Variants in ADAM18 observed in about 807,000 individuals in gnomAD.
ADAM18 encodes the protein ADAM metallopeptidase domain 18.
A neutral mutation model predicts 94.4 loss-of-function variants in ADAM18; 117 were observed. The ratio of observed to expected loss-of-function variants is 1.24; its 90% CI spans 1.07 to 1.45. The LOEUF is 1.45. ADAM18 is among the 40% of genes most tolerant of loss of function. The probability of loss-of-function intolerance (pLI) is 0.00; values close to 1 mark genes in which losing one functional copy is unlikely to be tolerated. For synonymous variants in ADAM18, 327 were observed against 291.6 expected (o/e 1.12, Z -1.24); for missense variants, 936 against 880.0 (o/e 1.06, Z -0.81).
At chr8:39,639,232 A>G (rs1463486879) in intron 10 of ADAM18, among the ~76,000 whole-genome samples, 2 of 151,998 alleles carry the variant, frequency 1.3e-5, no homozygotes, top group Admixed American at 1.3e-4. Context: ...AATATTATCA[A>G]CACTTCAGAA....
At chr8:39,642,526 G>A (rs1820264230) in intron 10 of ADAM18, among the ~76,000 whole-genome samples, 1 of 151,756 alleles carries the variant, frequency 6.6e-6, no homozygotes, top group Non-Finnish European at 1.5e-5. Context: ...TTTCCCCTTT[G>A]CTTGTTTTTG....
At chr8:39,725,133 G>A (rs1371577720) in intron 19 of ADAM18, among the ~76,000 whole-genome samples, 29 of 151,814 alleles carry the variant, frequency 1.9e-4, no homozygotes, top group Admixed American at 1.9e-3. Context: ...CTATATCCTT[G>A]CTGATTTTTT....
At chr8:39,607,023 G>A (rs1458099255) in intron 3 of ADAM18, among the ~76,000 whole-genome samples, 5 of 152,132 alleles carry the variant, frequency 3.3e-5, no homozygotes, top group African/African-American at 4.8e-5. Flanking sequence ...TATACGACAA[G>A]TTACACATCA....
chr8:39,587,396 C>A (rs1353846953), intron 2 of ADAM18, among the ~76,000 whole-genome samples: 1 of 152,120 alleles, frequency 6.6e-6, no homozygotes, highest in African/African-American at 2.4e-5. Flanking sequence ...TCGACCCAGA[C>A]CCCTGGCAAC....
chr8:39,708,600 G>C (rs1185157462), intron 18 of ADAM18, among the ~76,000 whole-genome samples: 2 of 152,204 alleles, frequency 1.3e-5, no homozygotes, highest in African/African-American at 4.8e-5. Flanking sequence ...ATTGAAACAG[G>C]ATAGTTCCCT....
At chr8:39,707,865 T>C (rs182904815) in intron 18 of ADAM18, among the ~76,000 whole-genome samples, 63 of 152,318 alleles carry the variant, frequency 4.1e-4, no homozygotes, top group Non-Finnish European at 7.8e-4. Flanking sequence ...AAGGAAAGAA[T>C]TTTTGGCTTC....
intron 2 of ADAM18, among the ~76,000 whole-genome samples, chr8:39,593,716 A>G (rs1437176724): frequency 1.3e-5 from 2 of 152,138 alleles, no homozygotes; most frequent in Non-Finnish European, 2.9e-5. Context: ...TTTGGGGCAT[A>G]CCCATTTAGG....
At chr8:39,690,289 G>A (rs1242399015) in intron 16 of ADAM18, among the ~76,000 whole-genome samples, 2 of 152,090 alleles carry the variant, frequency 1.3e-5, no homozygotes, top group African/African-American at 2.4e-5. Flanking sequence ...ATGGGCAGGG[G>A]TGCTTAGGAG....
chr8:39,652,295 T>C (rs1443140227), intron 12 of ADAM18, among the ~76,000 whole-genome samples: 1 of 152,020 alleles, frequency 6.6e-6, no homozygotes, highest in Non-Finnish European at 1.5e-5. Flanking sequence ...TTGCAAACTA[T>C]ACATCTGATA....
At chr8:39,584,805 G>A (rs1818348992) in intron 1 of ADAM18, 128 bp downstream of exon 1, 8 of 1,115,820 alleles carry the variant, frequency 7.2e-6, no homozygotes, top group South Asian at 5.3e-5. Context: ...TGGTGCTTCT[G>A]GTGTGTCAGG....
chr8:39,590,444 G>T (rs911596839), intron 2 of ADAM18, among the ~76,000 whole-genome samples: 20 of 152,152 alleles, frequency 1.3e-4, no homozygotes, highest in African/African-American at 4.6e-4. Flanking sequence ...GTCGGGTGAG[G>T]GGAGAGGGGA....
intron 6 of ADAM18, among the ~76,000 whole-genome samples, chr8:39,620,411 T>TA (rs1234137987): frequency 4.6e-4 from 55 of 120,068 alleles, no homozygotes; most frequent in South Asian, 3.3e-3. Flanking sequence ...AGAAAAAATG[T>TA]AAAAAAAAAC....
chr8:39,607,017 C>CGACA (rs1174888199), intron 3 of ADAM18, among the ~76,000 whole-genome samples: 10 of 148,878 alleles, frequency 6.7e-5, no homozygotes, highest in African/African-American at 2.6e-4. Flanking sequence ...TGGATGTATA[C>CGACA]GACAAGTTAC....
intron 17 of ADAM18, among the ~76,000 whole-genome samples, chr8:39,705,606 A>C (rs958140494): frequency 1.3e-5 from 2 of 152,180 alleles, no homozygotes; most frequent in African/African-American, 4.8e-5. Flanking sequence ...AATACTGTGC[A>C]CTAAATATTC....
At chr8:39,700,439 C>G (rs1262572347) in intron 17 of ADAM18, among the ~76,000 whole-genome samples, 1 of 151,880 alleles carries the variant, frequency 6.6e-6, no homozygotes, top group Admixed American at 6.5e-5. Flanking sequence ...ATTCACAAAG[C>G]AATTCTCTCA....
At chr8:39,594,020 A>G (rs923331916) in intron 2 of ADAM18, among the ~76,000 whole-genome samples, 4 of 152,106 alleles carry the variant, frequency 2.6e-5, no homozygotes, top group Admixed American at 6.6e-5. Flanking sequence ...TGTTACATCT[A>G]CCAAGTAATT....
At chr8:39,647,717 G>A (rs1210274348) in intron 11 of ADAM18, among the ~76,000 whole-genome samples, 1 of 152,154 alleles carries the variant, frequency 6.6e-6, no homozygotes, top group African/African-American at 2.4e-5. Context: ...GGTTTATTGA[G>A]TCTAGAGAAT....
rs1347306760 is a variant in ADAM18, at chr8:39,659,370, T to G, written c.1231-4425T>G. Among the ~76,000 whole-genome samples the G allele has an allele frequency of 2.0e-5, 3 of 151,606 alleles. No individual in the cohort carries two copies. The South Asian group carries it at 6.2e-4, about 31-fold the overall frequency. ...ATCCCCTAGTACTGGAATGAATAAT[T>G]TAAAAAAAAAACAAGCAAATACACA... On this transcript the variant is annotated intron_variant, in intron 12 of 19. Transcript: ENST00000265707.
chr8:39,701,710 G>A (rs1333480218), intron 17 of ADAM18, among the ~76,000 whole-genome samples: 4 of 151,928 alleles, frequency 2.6e-5, no homozygotes, highest in Admixed American at 6.6e-5. Context: ...TCATCATTTC[G>A]TTCCCACTTA....
Sources: allele counts gnomAD v4.1 joint callset (sites outside exome capture counted in the v4.1 genomes callset), GRCh38; gene constraint gnomAD v4.1.1; transcripts MANE v1.5; gene names NCBI Gene and HGNC (gene_info 2026-07-23, HGNC 2026-07-21).